NHP2: variants seen among roughly 807,000 people sequenced by gnomAD.
The protein encoded by NHP2 is H/ACA ribonucleoprotein complex subunit 2.
In NHP2, 10 loss-of-function variants were observed where a neutral mutation model predicts 16.7. That is an observed-to-expected ratio of 0.60 (90% CI 0.37 to 1.01). NHP2 has a LOEUF of 1.01. Among genes scored for constraint, NHP2 ranks in the 50% least tolerant of loss-of-function variants. NHP2 has a pLI of 0.01. For missense variants in NHP2, 184 were observed against 198.3 expected (o/e 0.93, Z 0.43); for synonymous variants, 87 against 78.9 (o/e 1.10, Z -0.54).
At chr5:178,152,671 ACT>A in intron 2 of NHP2, among the ~76,000 whole-genome samples, 1 of 152,188 alleles carries the variant, frequency 6.6e-6, no homozygotes, top group East Asian at 1.9e-4. Context: ...TTATCATTGC[ACT>A]CTGTTATTTT....
rs370376681 is a variant in NHP2, at chr5:178,151,021, C to T, written c.231-28G>A. On this transcript the variant is annotated intron_variant, in intron 2 of 3. Coordinates refer to ENST00000274606, the MANE Select transcript of NHP2 (RefSeq NM_017838.4). Reference sequence around the variant, plus strand: ...GAAATGAGAGAAAACACTGTCATCTCTGGCTTGCTCCTTCCTTCTTTCAGT... The same window carrying T: ...GAAATGAGAGAAAACACTGTCATCTTTGGCTTGCTCCTTCCTTCTTTCAGT... 5 of 1,576,208 alleles carry T rather than the reference C, an allele frequency of 3.2e-6. No individual in the cohort carries two copies. In the African/African-American group the frequency reaches 6.7e-5, roughly 21 times the overall value.
Position 178,153,647 on chromosome 5 carries a change from G to GTCCGCCTCACCT in NHP2, c.159_160+10dup. The GTCCGCCTCACCT allele has an allele frequency of 6.2e-7, 1 of 1,613,176 alleles. No homozygotes were observed. The highest frequency in any genetic ancestry group is 2.2e-5 in the East Asian group (1 of 44,864). ...GCGCACCCATCCCGGCCACGCCGCC[G>GTCCGCCTCACCT]TCCGCCTCACCTTTCTTGATGCATT... is the stretch of plus-strand genomic sequence containing the variant. On this transcript the variant is annotated intron_variant, in intron 1 of 3. Coordinates refer to ENST00000274606, the MANE Select transcript of NHP2 (RefSeq NM_017838.4).
At chr5:178,151,382 C>T (rs1756274314) in intron 2 of NHP2, among the ~76,000 whole-genome samples, 1 of 152,138 alleles carries the variant, frequency 6.6e-6, no homozygotes, top group Non-Finnish European at 1.5e-5. Flanking sequence ...GCAGGGGACA[C>T]CCCCAAGACC....
chr5:178,153,220 G>A (rs1374658408), intron 2 of NHP2: 5 of 533,096 alleles, frequency 9.4e-6, no homozygotes, highest in Non-Finnish European at 1.7e-5. Flanking sequence ...CGGAGCCCGG[G>A]GAGGAGGGTC....
At position 178,150,922 on chromosome 5, in the gene NHP2, C is replaced by T. The variant is rs145890370; in HGVS notation, c.302G>A (p.Arg101Gln). ...GGGGATATAGACATAGGGCAAATTTCGGTCCTCACACATGACTGGGAGATG... is the reference window on the plus strand; with the variant it reads ...GGGGATATAGACATAGGGCAAATTTTGGTCCTCACACATGACTGGGAGATG... ...YCHLPVMCED[R>Q]NLPYVYIPSK... The change falls in exon 3 of 4, where the codon CGA (arginine) becomes CAA (glutamine). Residue 101 changes from arginine to glutamine, a missense_variant. Transcript: ENST00000274606. 12,258 of 1,613,994 alleles carry T rather than the reference C, an allele frequency of 7.6e-3. 69 individuals carry two copies. Among genetic ancestry groups the T allele is most frequent in the Non-Finnish European group, 9.5e-3 (11,172 of 1,179,892 alleles).
rs996573385 is a variant in NHP2 at position 178,153,823 on chromosome 5, C to T, written c.-6G>A. The T allele has an allele frequency of 6.2e-7, 1 of 1,603,858 alleles. No individual in the cohort carries two copies. The highest frequency in any genetic ancestry group is 2.3e-5 in the East Asian group (1 of 44,306). ...TCTGCCTTTATTTTGGTCATCGCAG[C>T]GGCCGCTGAAACCTAGTCCCAGGGA... On this transcript the variant is annotated 5_prime_UTR_variant, in exon 1 of 4. Coordinates refer to ENST00000274606, the MANE Select transcript of NHP2 (RefSeq NM_017838.4).
chr5:178,149,610 C>T lies in NHP2; in HGVS notation c.*103G>A. 1 of 1,511,608 alleles carries T rather than the reference C, an allele frequency of 6.6e-7. No individual in the cohort carries two copies. Among genetic ancestry groups the T allele is most frequent in the Non-Finnish European group, 9.1e-7 (1 of 1,100,054 alleles). The allele number at this position is 1,511,608 out of a possible 1,614,324, so 93.6% of individuals were successfully genotyped here. A position where few individuals can be genotyped will look rare whatever the true frequency, so the allele number is the denominator to read the frequency against. ...TGGGAAGAAGGCGTGCCTTGGGGAA[C>T]TGGGAAGATGCCGTCAGTGTGGGTG... On this transcript the variant is annotated 3_prime_UTR_variant, in exon 4 of 4. Coordinates refer to ENST00000274606, the MANE Select transcript of NHP2 (RefSeq NM_017838.4).
chr5:178,151,538 A>G (rs1385098276), intron 2 of NHP2, among the ~76,000 whole-genome samples: 2 of 152,200 alleles, frequency 1.3e-5, no homozygotes, highest in Non-Finnish European at 2.9e-5. Context: ...ACACAGAAGG[A>G]AAAGTCTGCT....
intron 3 of NHP2, 43 bp from the exon 4 acceptor site, chr5:178,149,881 A>ACCTG: frequency 1.2e-6 from 2 of 1,607,486 alleles, no homozygotes; most frequent in Non-Finnish European, 1.7e-6. Context: ...AAGCTGTACA[A>ACCTG]CCTGTATGCC....
intron 2 of NHP2, among the ~76,000 whole-genome samples, chr5:178,151,584 A>G (rs1756278917): frequency 6.6e-6 from 1 of 152,212 alleles, no homozygotes; most frequent in African/African-American, 2.4e-5. Context: ...ACACAAGGAC[A>G]GAGCCCTCGG....
chr5:178,150,613 C>T, intron 3 of NHP2: 2 of 606,316 alleles, frequency 3.3e-6, no homozygotes, highest in Non-Finnish European at 6.2e-6. Context: ...GAACTCCTGT[C>T]CTCAACTGAT....
Position 178,153,567 on chromosome 5 carries a change from C to T in NHP2, c.161-7G>A, listed in dbSNP as rs1475863017. The T allele has an allele frequency of 6.2e-7, 1 of 1,614,082 alleles. No individual in the cohort carries two copies. The highest frequency in any genetic ancestry group is 2.2e-5 in the East Asian group (1 of 44,886). ...ATCTGCTTCTGCTTCACCGCTGCAA[C>T]GACAGAAGAGTCGGTCGGGGGCCTC... On this transcript the variant is annotated splice_region_variant and splice_polypyrimidine_tract_variant and intron_variant, in intron 1 of 3. Coordinates refer to ENST00000274606, the MANE Select transcript of NHP2 (RefSeq NM_017838.4).
At chr5:178,150,413 C>G in intron 3 of NHP2, 1 of 279,256 alleles carries the variant, frequency 3.6e-6, no homozygotes, top group East Asian at 9.1e-5. Context: ...GGGCCTCACT[C>G]TGTCATGCAG....
At chr5:178,150,718 CAAG>C (rs1251692946) in intron 3 of NHP2, 167 bp downstream of exon 3, 2 of 757,954 alleles carry the variant, frequency 2.6e-6, no homozygotes, top group East Asian at 2.4e-5. Context: ...AACTGAAATG[CAAG>C]AAGTAACATA....
intron 3 of NHP2, chr5:178,150,472 C>T: frequency 2.8e-6 from 1 of 356,378 alleles, no homozygotes; most frequent in South Asian, 2.1e-5. Context: ...CCTTGAACTC[C>T]TGGGTTCAAG....
Position 178,150,878 on chromosome 5 carries a change from T to G in NHP2, c.336+10A>C, listed in dbSNP as rs544773081. The G allele has an allele frequency of 1.9e-6, 3 of 1,583,874 alleles. No individual in the cohort carries two copies. The highest frequency in any genetic ancestry group is 2.2e-5 in the South Asian group (2 of 90,502). On this transcript the variant is annotated intron_variant, in intron 3 of 3. Transcript: ENST00000274606. ...TGCTGAGCAAGGTCAGGGGGCCACGTGCTCCTTACCGTCTTAGAGGGGATA... is the reference window on the plus strand; with the variant it reads ...TGCTGAGCAAGGTCAGGGGGCCACGGGCTCCTTACCGTCTTAGAGGGGATA...
chr5:178,151,492 G>A (rs1756276352), intron 2 of NHP2, among the ~76,000 whole-genome samples: 1 of 152,212 alleles, frequency 6.6e-6, no homozygotes, highest in Non-Finnish European at 1.5e-5. Flanking sequence ...CTGGCCAGGT[G>A]TCAAGGCTGG....
chr5:178,150,257 T>C (rs773348020), intron 3 of NHP2: 15 of 217,034 alleles, frequency 6.9e-5, no homozygotes, highest in Non-Finnish European at 1.0e-4. Flanking sequence ...TTTATTCTCA[T>C]AGTCCACAGA....
In NHP2 at chr5:178,153,637, C is replaced by A. The variant is rs759358609; in HGVS notation, c.160+21G>T. ...CATCCCACCCGCGCACCCATCCCGG[C>A]CACGCCGCCGTCCGCCTCACCTTTC... On this transcript the variant is annotated intron_variant, in intron 1 of 3. Coordinates refer to ENST00000274606, the MANE Select transcript of NHP2 (RefSeq NM_017838.4). 5 of 1,613,808 alleles carry A rather than the reference C, an allele frequency of 3.1e-6. No individual in the cohort carries two copies. The East Asian group carries it at 8.9e-5, about 29-fold the overall frequency.
Sources: allele counts gnomAD v4.1 joint callset (sites outside exome capture counted in the v4.1 genomes callset), GRCh38; gene constraint gnomAD v4.1.1; transcripts MANE v1.5; gene names NCBI Gene and HGNC (gene_info 2026-07-23, HGNC 2026-07-21).